SAMD5: variants seen among roughly 807,000 people sequenced by gnomAD.
SAMD5 encodes the protein sterile alpha motif domain-containing protein 5.
Under a neutral mutation model 11.3 loss-of-function variants are expected in SAMD5, and 13 were observed. The ratio of observed to expected loss-of-function variants is 1.15; its 90% CI spans 0.75 to 1.83. SAMD5 has a LOEUF of 1.83. Among genes scored for constraint, SAMD5 ranks in the 40% most tolerant of loss-of-function variants. SAMD5 has a pLI of 0.00. For synonymous variants in SAMD5, 129 were observed against 111.3 expected, an observed-to-expected ratio of 1.16 and a Z score of -1.00; for missense variants, 255 against 239.1, an observed-to-expected ratio of 1.07 and a Z score of -0.44.
intron 1 of SAMD5, among the ~76,000 whole-genome samples, chr6:147,648,143 C>T (rs1353944232): frequency 6.6e-5 from 10 of 152,156 alleles, no homozygotes; most frequent in Admixed American, 4.6e-4. Context: ...CTATAAAGAC[C>T]TCCTGAGACT....
In SAMD5 at chr6:147,567,234, A is replaced by AT. The variant is rs1789056215; in HGVS notation, c.*2780dup. ...TACCCAAGTGGGAGCTGAACCAGTA[A>AT]TTGTGGGGAAAACTGAATTTATAGC... On this transcript the variant is annotated 3_prime_UTR_variant, in exon 2 of 2. Coordinates refer to ENST00000367474, the MANE Select transcript of SAMD5 (RefSeq NM_001030060.3). The AT allele has an allele frequency of 2.0e-6, 2 of 985,362 alleles. No individual in the cohort carries two copies. Among genetic ancestry groups the AT allele is most frequent in the African/African-American group, 3.5e-5 (2 of 57,360 alleles). The allele number at this position is 985,362 out of a possible 1,614,324, so 61.0% of individuals were successfully genotyped here.
intron 1 of SAMD5, among the ~76,000 whole-genome samples, chr6:147,657,026 T>C (rs1790581022): frequency 6.6e-6 from 1 of 152,026 alleles, no homozygotes; most frequent in East Asian, 1.9e-4. Flanking sequence ...ACCGGTTGTA[T>C]AAAGCATAGT....
At position 147,590,191 on chromosome 6, in the gene SAMD5, TG is replaced by T. The variant is rs575362949; in HGVS notation, c.162+80806del. On this transcript the variant is annotated intron_variant, in intron 1 of 1. Transcript: ENST00000566741. ...TTTGAAGTGAGAGCCAGAATCATGA[TG>T]GTTTAACAGTCCTAAATATTTCCTT... Among the ~76,000 whole-genome samples the T allele has an allele frequency of 6.6e-5, 10 of 152,318 alleles. No homozygotes were observed. The East Asian group carries it at 1.9e-3, about 29-fold the overall frequency.
chr6:147,730,294 G>C (rs1944639), intron 1 of SAMD5: 6,337 of 346,254 alleles, frequency 0.018, 245 homozygotes, highest in African/African-American at 0.098. Flanking sequence ...CTGATGTGTT[G>C]AGGGACTAAA....
At chr6:147,651,652 A>C (rs1450419030) in intron 1 of SAMD5, among the ~76,000 whole-genome samples, 1 of 152,172 alleles carries the variant, frequency 6.6e-6, no homozygotes. Flanking sequence ...CTGATCTCTG[A>C]TTCCCCAGCC....
intron 1 of SAMD5, among the ~76,000 whole-genome samples, chr6:147,634,063 A>G (rs945742931): frequency 6.6e-6 from 1 of 152,186 alleles, no homozygotes; most frequent in Non-Finnish European, 1.5e-5. Context: ...GACATTTAAT[A>G]TAAATGAAAT....
intron 1 of SAMD5, among the ~76,000 whole-genome samples, chr6:147,577,482 CCTTT>C (rs1281687250): frequency 1.3e-5 from 2 of 152,186 alleles, no homozygotes; most frequent in African/African-American, 2.4e-5. Context: ...TTCCCTCATT[CCTTT>C]CTTTCTTTCT....
the SAMD5 span, among the ~76,000 whole-genome samples, chr6:147,744,206 A>G: frequency 5.9e-5 from 9 of 152,322 alleles, no homozygotes; most frequent in Non-Finnish European, 1.0e-4. Context: ...GTGTGACCTT[A>G]GGTAAGTTAC....
At chr6:147,616,324 C>T (rs57967764) in intron 1 of SAMD5, among the ~76,000 whole-genome samples, 20,302 of 135,930 alleles carry the variant, frequency 0.15, 4,067 homozygotes, top group African/African-American at 0.44. Flanking sequence ...TTCATATATA[C>T]TTCATATATA....
chr6:147,552,368 AC>A lies in SAMD5; in HGVS notation c.460-12024del, dbSNP rs1043329212. 5.8e-4 allele frequency among the ~76,000 whole-genome samples: 88 copies of A among 152,166 alleles called. 1 individual carries two copies. The highest frequency in any genetic ancestry group is 2.8e-4 in the Non-Finnish European group (19 of 68,020). Reference sequence around the variant, plus strand: ...AGTTGAAGTTGGGATTCTGGGGTTCACCTTTTTCTCAGTTAATGAATTTTTA... The same window carrying A: ...AGTTGAAGTTGGGATTCTGGGGTTCACTTTTTCTCAGTTAATGAATTTTTA... On this transcript the variant is annotated intron_variant, in intron 1 of 1. Transcript: ENST00000367474.
intron 1 of SAMD5, among the ~76,000 whole-genome samples, chr6:147,679,042 A>T (rs1173117485): frequency 6.6e-6 from 1 of 152,168 alleles, no homozygotes; most frequent in South Asian, 2.1e-4. Flanking sequence ...TAATGGATAG[A>T]TATACCACAA....
chr6:147,877,475 A>G, the SAMD5 span, among the ~76,000 whole-genome samples: 1 of 152,152 alleles, frequency 6.6e-6, no homozygotes, highest in South Asian at 2.1e-4. Context: ...CAGAAATACA[A>G]TGTCAAAATG....
chr6:147,533,612 C>CCCTT (rs904086527), intron 1 of SAMD5, among the ~76,000 whole-genome samples: 5 of 151,946 alleles, frequency 3.3e-5, no homozygotes, highest in Admixed American at 1.3e-4. Flanking sequence ...AATGAGGAGC[C>CCCTT]CTGTATTAGA....
At chr6:147,626,940 C>A (rs6917579) in intron 1 of SAMD5, among the ~76,000 whole-genome samples, 66,284 of 151,890 alleles carry the variant, frequency 0.44, 15,646 homozygotes, top group Middle Eastern at 0.56. Context: ...TTCTATTCCT[C>A]TTCTTCTTCC....
intron 1 of SAMD5, among the ~76,000 whole-genome samples, chr6:147,685,254 T>C (rs1198929043): frequency 2.0e-5 from 3 of 152,234 alleles, no homozygotes; most frequent in African/African-American, 7.2e-5. Context: ...TGGAGTGCAA[T>C]GGTGCGATCT....
chr6:147,918,822 C>T, the SAMD5 span, among the ~76,000 whole-genome samples: 3 of 151,468 alleles, frequency 2.0e-5, no homozygotes, highest in Non-Finnish European at 4.4e-5. Flanking sequence ...CTCAGCCTCC[C>T]GAGTCCTGAG....
chr6:147,805,863 G>A, the SAMD5 span, among the ~76,000 whole-genome samples: 2 of 152,146 alleles, frequency 1.3e-5, no homozygotes, highest in Admixed American at 6.5e-5. Context: ...ATCAATGGGA[G>A]GAGGTAAGAG....
At chr6:147,681,322 A>T (rs1429457911) in intron 1 of SAMD5, among the ~76,000 whole-genome samples, 4 of 151,974 alleles carry the variant, frequency 2.6e-5, no homozygotes, top group African/African-American at 7.2e-5. Flanking sequence ...ATCTGCTGTT[A>T]GTTGCATCCA....
At chr6:147,783,441 T>G in the SAMD5 span, among the ~76,000 whole-genome samples, 2,901 of 151,938 alleles carry the variant, frequency 0.019, 99 homozygotes, top group African/African-American at 0.067. Flanking sequence ...TGGCCCAGGC[T>G]AGCGTGCAGT....
Sources: allele counts gnomAD v4.1 joint callset (sites outside exome capture counted in the v4.1 genomes callset), GRCh38; gene constraint gnomAD v4.1.1; transcripts MANE v1.5; gene names NCBI Gene and HGNC (gene_info 2026-07-23, HGNC 2026-07-21).